Variants in LIPC observed in about 807,000 individuals in gnomAD.
LIPC encodes hepatic triacylglycerol lipase.
A neutral mutation model predicts 50.7 loss-of-function variants in LIPC; 44 were observed. The observed-to-expected ratio is 0.87, with a 90% CI of 0.68 to 1.11. The LOEUF (loss-of-function observed/expected upper bound fraction) is 1.11. Ranked by LOEUF, LIPC falls within the 50% of genes most tolerant of loss-of-function variation. The probability of loss-of-function intolerance (pLI) is 0.00; values close to 1 mark genes in which losing one functional copy is unlikely to be tolerated. For synonymous variants in LIPC, 271 were observed against 256.4 expected, an observed-to-expected ratio of 1.06 and a Z score of -0.54; for missense variants, 697 against 648.2, an observed-to-expected ratio of 1.08 and a Z score of -0.82.
chr15:58,546,732 C>T (rs748370049), intron 5 of LIPC, among the ~76,000 whole-genome samples: 2 of 152,124 alleles, frequency 1.3e-5, no homozygotes, highest in Admixed American at 6.6e-5. Context: ...CCAAGTAGAG[C>T]CCTCCACCCC....
chr15:58,453,910 G>C (rs912040056), intron 1 of LIPC, among the ~76,000 whole-genome samples: 4 of 151,920 alleles, frequency 2.6e-5, no homozygotes, highest in Non-Finnish European at 5.9e-5. Context: ...AAAATGGATA[G>C]AATGTGGGTT....
intron 1 of LIPC, among the ~76,000 whole-genome samples, chr15:58,447,611 T>A (rs1595855647): frequency 6.6e-6 from 1 of 152,330 alleles, no homozygotes; most frequent in Non-Finnish European, 1.5e-5. Context: ...GAGTTTTAAG[T>A]TCTCCCAGCT....
intron 1 of LIPC, among the ~76,000 whole-genome samples, chr15:58,453,279 C>T (rs1245135904): frequency 2.0e-5 from 3 of 152,154 alleles, no homozygotes; most frequent in African/African-American, 7.2e-5. Flanking sequence ...ACTCCATCCT[C>T]ATATCCCCAG....
intron 6 of LIPC, among the ~76,000 whole-genome samples, chr15:58,550,422 G>A (rs1893706562): frequency 6.6e-6 from 1 of 152,192 alleles, no homozygotes; most frequent in Non-Finnish European, 1.5e-5. Context: ...GAACCAGGCT[G>A]AGCTTCTCCC....
chr15:58,512,237 T>G (rs942661739), intron 1 of LIPC, among the ~76,000 whole-genome samples: 4 of 152,106 alleles, frequency 2.6e-5, no homozygotes, highest in African/African-American at 9.7e-5. Flanking sequence ...TAGCTGAGAC[T>G]ACAGGCATGA....
intron 1 of LIPC, among the ~76,000 whole-genome samples, chr15:58,506,959 T>C (rs1205913823): frequency 1.3e-5 from 2 of 152,126 alleles, no homozygotes; most frequent in Non-Finnish European, 2.9e-5. Context: ...CCGCAAATGG[T>C]GGCAACAAGG....
intron 6 of LIPC, among the ~76,000 whole-genome samples, chr15:58,553,791 C>T (rs890039041): frequency 1.3e-5 from 2 of 152,330 alleles, no homozygotes; most frequent in Non-Finnish European, 2.9e-5. Flanking sequence ...AGTTAATTCA[C>T]TTTCATTCAG....
At chr15:58,443,503 G>T (rs939489633) in intron 1 of LIPC, among the ~76,000 whole-genome samples, 51 of 152,140 alleles carry the variant, frequency 3.4e-4, no homozygotes, top group African/African-American at 1.2e-3. Context: ...AAAATTCTGG[G>T]CTACTTTTAA....
At chr15:58,560,052 G>A (rs554923903) in intron 6 of LIPC, among the ~76,000 whole-genome samples, 20 of 152,320 alleles carry the variant, frequency 1.3e-4, no homozygotes, top group African/African-American at 2.9e-4. Context: ...GCGTTGTGAT[G>A]AGTAAATGAG....
Position 58,545,829 on chromosome 15 carries a change from A to C in LIPC, c.662A>C (p.His221Pro). The change falls in exon 5 of 9, where the codon CAT becomes CCT. Residue 221 changes from histidine to proline, a missense_variant. Transcript: ENST00000299022. ...GATGCCAATTTTGTGGATGCCATTC[A>C]TACCTTTACCCGGGAGCACATGGGC... ...PDDANFVDAI[H>P]TFTREHMGLS... 1 of 1,614,192 alleles carries C rather than the reference A, an allele frequency of 6.2e-7. No homozygotes were observed. The highest frequency in any genetic ancestry group is 8.5e-7 in the Non-Finnish European group (1 of 1,180,024).
At chr15:58,534,169 T>C (rs934994911) in intron 1 of LIPC, among the ~76,000 whole-genome samples, 14 of 152,194 alleles carry the variant, frequency 9.2e-5, no homozygotes, top group African/African-American at 3.1e-4. Flanking sequence ...AAAATACATT[T>C]AGTTTGGCCT....
chr15:58,511,881 G>A (rs376593308), intron 1 of LIPC, among the ~76,000 whole-genome samples: 5 of 152,150 alleles, frequency 3.3e-5, no homozygotes, highest in African/African-American at 9.7e-5. Flanking sequence ...TATTGATGTC[G>A]TGGGGGAGTG....
At chr15:58,474,342 CCCCATCTCCACAAAA>C (rs1890909267) in intron 1 of LIPC, among the ~76,000 whole-genome samples, 1 of 152,058 alleles carries the variant, frequency 6.6e-6, no homozygotes, top group Non-Finnish European at 1.5e-5. Flanking sequence ...TATAAAGAGA[CCCCATCTCCACAAAA>C]AAATACAAAA....
chr15:58,554,037 C>T lies in LIPC; in HGVS notation c.1051+5465C>T, dbSNP rs144785847. Among the ~76,000 whole-genome samples, 312 of 151,952 alleles carry T rather than the reference C, an allele frequency of 2.1e-3. 1 individual carries two copies. Among genetic ancestry groups the T allele is most frequent in the African/African-American group, 7.0e-3 (289 of 41,476 alleles). On this transcript the variant is annotated intron_variant, in intron 6 of 8. Coordinates refer to ENST00000299022, the MANE Select transcript of LIPC (RefSeq NM_000236.3). ...CCTCTTTGATGTTTGCAAAGAGAGT[C>T]ATAATATCTCCCAGAGCCAACATCT...
intron 1 of LIPC, among the ~76,000 whole-genome samples, chr15:58,528,977 G>C (rs1892869912): frequency 6.6e-6 from 1 of 152,154 alleles, no homozygotes; most frequent in African/African-American, 2.4e-5. Context: ...GCTCTGGGCT[G>C]AGACAGGACT....
intron 1 of LIPC, 137 bp from the exon 2 acceptor site, chr15:58,538,196 G>C: frequency 1.1e-6 from 1 of 879,942 alleles, no homozygotes; most frequent in South Asian, 1.3e-5. Context: ...GCTCCCCACA[G>C]TTGTGGCTCA....
At chr15:58,462,439 G>C (rs1351928018) in intron 1 of LIPC, among the ~76,000 whole-genome samples, 3 of 152,162 alleles carry the variant, frequency 2.0e-5, no homozygotes, top group African/African-American at 4.8e-5. Context: ...AAGGCTTTCA[G>C]CACCTTTTTG....
chr15:58,469,021 G>A (rs1894679654), intron 1 of LIPC, among the ~76,000 whole-genome samples: 1 of 152,000 alleles, frequency 6.6e-6, no homozygotes, highest in Non-Finnish European at 1.5e-5. Context: ...AAAACGTCAT[G>A]ATGAGGTATG....
intron 1 of LIPC, among the ~76,000 whole-genome samples, chr15:58,465,354 AAC>A (rs1459863826): frequency 2.0e-5 from 3 of 152,232 alleles, no homozygotes; most frequent in African/African-American, 7.2e-5. Context: ...TCTGGCTTTT[AAC>A]ACAGACTGTG....
Sources: allele counts gnomAD v4.1 joint callset (sites outside exome capture counted in the v4.1 genomes callset), GRCh38; gene constraint gnomAD v4.1.1; transcripts MANE v1.5; gene names NCBI Gene and HGNC (gene_info 2026-07-23, HGNC 2026-07-21).